Variants in CYP2S1 observed in about 807,000 individuals in gnomAD.
CYP2S1 encodes cytochrome P450 2S1.
In CYP2S1, 32 loss-of-function variants were observed where a neutral mutation model predicts 43.5. That is an observed-to-expected ratio of 0.74 (90% CI 0.56 to 0.99). The LOEUF (loss-of-function observed/expected upper bound fraction) is 0.99, where lower values mean the gene tolerates loss of function less well. Among genes scored for constraint, CYP2S1 ranks in the 50% least tolerant of loss-of-function variants. CYP2S1 has a pLI of 0.00. For missense variants in CYP2S1, 575 were observed against 673.9 expected (o/e 0.85, Z 1.62); for synonymous variants, 283 against 302.9 (o/e 0.93, Z 0.68).
intron 7 of CYP2S1, among the ~76,000 whole-genome samples, chr19:41,204,758 C>T (rs561864320): frequency 1.4e-4 from 21 of 151,618 alleles, no homozygotes; most frequent in African/African-American, 4.3e-4. Flanking sequence ...CCACCACACC[C>T]GGCTAATTTT....
At chr19:41,201,509 C>A in intron 6 of CYP2S1, 137 bp downstream of exon 6, 1 of 1,262,494 alleles carries the variant, frequency 7.9e-7, no homozygotes, top group East Asian at 2.5e-5. Context: ...AGTTTAAGAC[C>A]AGCCTGGCCA....
rs535736445 is a variant in CYP2S1 at position 41,198,907 on chromosome 19, G to A, written c.834+19G>A. ...GGCACAGGTGTGGGAAGGGTGCAGG[G>A]ACCCCCTCTCTGAATGGGCGTGGTG... On this transcript the variant is annotated intron_variant, in intron 5 of 8. Transcript: ENST00000310054. The surrounding 1 kb of genome is among the most constrained non-coding windows in gnomAD (Gnocchi z 4.9). 7.5e-6 allele frequency: 12 copies of A among 1,593,184 alleles called. No homozygotes were observed. Among genetic ancestry groups the A allele is most frequent in the Non-Finnish European group, 8.6e-6 (10 of 1,164,924 alleles).
chr19:41,201,420 T>G, intron 6 of CYP2S1, 48 bp downstream of exon 6: 1 of 1,595,360 alleles, frequency 6.3e-7, no homozygotes, highest in Non-Finnish European at 8.5e-7. Flanking sequence ...AAGTCAGGGT[T>G]CTAGGCTGAG....
chr19:41,198,421 G>GTGGGA lies in CYP2S1; in HGVS notation c.494-41_494-40insTGGGA. ...AGCTCCAACCTGCTCCCCTCTGCCT[G>GTGGGA]GCTCCATCACAGCCTACCTCCCTGC... On this transcript the variant is annotated intron_variant, in intron 3 of 8. Transcript: ENST00000310054. The surrounding 1 kb of genome is among the most constrained non-coding windows in gnomAD (Gnocchi z 4.9). 6.2e-7 allele frequency: 1 copy of GTGGGA among 1,606,350 alleles called. No homozygotes were observed.
Position 41,207,013 on chromosome 19 carries a change from CCA to C in CYP2S1, c.*527_*528del. 6.3e-6 allele frequency: 2 copies of C among 316,352 alleles called. No homozygotes were observed. The highest frequency in any genetic ancestry group is 2.6e-5 in the South Asian group (1 of 38,796). 19.6% of individuals were successfully genotyped at this position (316,352 alleles called of 1,614,324 possible). On this transcript the variant is annotated 3_prime_UTR_variant, in exon 9 of 9. Coordinates refer to ENST00000310054, the MANE Select transcript of CYP2S1 (RefSeq NM_030622.8). ...ACTCATGCTCCCTCTCTTGGCTACA[CCA>C]CTCTCCCAGCCTGTGACCACCGATG...
At position 41,201,251 on chromosome 19, in the gene CYP2S1, A is replaced by G. The variant is rs769507751; in HGVS notation, c.855A>G (p.Thr285=). ...KMAQEEQNPG[T]EFTNKNMLMT... ...TTCAGGAGGAACAAAACCCAGGCACAGAATTCACCAACAAGAACATGCTGA... is the reference window on the plus strand; with the variant it reads ...TTCAGGAGGAACAAAACCCAGGCACGGAATTCACCAACAAGAACATGCTGA... Residue 285 remains threonine, a synonymous_variant, in exon 6 of 9, where the codon ACA becomes ACG. Coordinates refer to ENST00000310054, the MANE Select transcript of CYP2S1 (RefSeq NM_030622.8). The G allele has an allele frequency of 1.9e-6, 3 of 1,614,194 alleles. No homozygotes were observed. Among genetic ancestry groups the G allele is most frequent in the Non-Finnish European group, 2.5e-6 (3 of 1,180,020 alleles).
Position 41,194,621 on chromosome 19 carries a change from G to A in CYP2S1, c.255G>A (p.Glu85=), listed in dbSNP as rs1568399075. The A allele has an allele frequency of 6.2e-7, 1 of 1,612,558 alleles. No homozygotes were observed. Residue 85 remains glutamate, a synonymous_variant, in exon 2 of 9, where the codon GAG becomes GAA. Transcript: ENST00000310054. ...WRPVVVLVGQ[E]AVREALGGQA... is the part of the protein sequence containing the mutation. ...CTGTGGTGGTCCTGGTTGGGCAGGA[G>A]GCTGTGCGGGAGGCCCTGGGAGGTC...
At chr19:41,205,914 T>C in intron 7 of CYP2S1, 44 bp from the exon 8 acceptor site, 1 of 1,598,128 alleles carries the variant, frequency 6.3e-7, no homozygotes, top group Non-Finnish European at 8.5e-7. Context: ...CCAAATGGAC[T>C]GGGGTGGGAA....
At position 41,203,563 on chromosome 19, in the gene CYP2S1, C is replaced by T; in HGVS notation, c.1090C>T (p.Leu364=). 6.3e-7 allele frequency: 1 copy of T among 1,576,036 alleles called. No homozygotes were observed. The highest frequency in any genetic ancestry group is 8.6e-7 in the Non-Finnish European group (1 of 1,161,054). Residue 364 remains leucine (L), a synonymous_variant, in exon 7 of 9, where the codon CTG becomes TTG. Transcript: ENST00000310054. ...DAVLHEAQRL[L]ALVPMGIPRT... is the part of the protein sequence containing the mutation. ...GGTTCTGCATGAGGCGCAGCGGCTG[C>T]TGGCGCTGGTGCCCATGGGAATACC...
rs370561000 is a variant in CYP2S1, at chr19:41,194,663, C to G, written c.297C>G (p.Ser99Arg). Residue 99 changes from serine (S) to arginine (R), a missense_variant, in exon 2 of 9, where the codon AGC (serine) becomes AGG (arginine). By Grantham distance (110) the Ser-to-Arg change is moderately radical. Coordinates refer to ENST00000310054, the MANE Select transcript of CYP2S1 (RefSeq NM_030622.8). ...EALGGQAEEF[S>R]GRGTVAMLEG... is the part of the protein sequence containing the mutation. ...TGGGAGGTCAGGCTGAGGAGTTCAGCGGCCGGGGAACCGTAGCGATGCTGG... is the reference window on the plus strand; with the variant it reads ...TGGGAGGTCAGGCTGAGGAGTTCAGGGGCCGGGGAACCGTAGCGATGCTGG... 3 of 1,611,844 alleles carry G rather than the reference C, an allele frequency of 1.9e-6. No homozygotes were observed. The African/African-American group carries it at 4.0e-5, about 22-fold the overall frequency.
chr19:41,199,754 C>T (rs113656866), intron 5 of CYP2S1, among the ~76,000 whole-genome samples: 22,782 of 151,472 alleles, frequency 0.15, 1,796 homozygotes, highest in Middle Eastern at 0.19. Flanking sequence ...CACCTGAGGT[C>T]GGGAGTTCGA....
chr19:41,205,412 CTTTCTT>C lies in CYP2S1; in HGVS notation c.1165-544_1165-539del, dbSNP rs1398874558. Among the ~76,000 whole-genome samples the C allele has an allele frequency of 7.7e-3, 456 of 58,864 alleles. 4 individuals are homozygous for C. Among genetic ancestry groups the C allele is most frequent in the African/African-American group, 0.017 (64 of 3,758 alleles). 38.6% of individuals were successfully genotyped at this position (58,864 alleles called of 152,430 possible). ...TCTCTCTTTCTTTCTCTCTTTCTTT[CTTTCTT>C]TCTCTCTCTCTCTCTTTCTTTCTTT... On this transcript the variant is annotated intron_variant, in intron 7 of 8. Transcript: ENST00000310054.
At chr19:41,194,500 G>A (rs1386824371) in intron 1 of CYP2S1, 44 bp from the exon 2 acceptor site, 23 of 1,511,578 alleles carry the variant, frequency 1.5e-5, no homozygotes, top group South Asian at 2.8e-5. Flanking sequence ...ACCTTGGATC[G>A]AAGAGGTCAC....
chr19:41,194,557 A>ACGGAC lies in CYP2S1; in HGVS notation c.195_199dup (p.Val67AspfsTer40). 6.3e-7 allele frequency: 1 copy of ACGGAC among 1,596,304 alleles called. No individual in the cohort carries two copies. The highest frequency in any genetic ancestry group is 8.5e-7 in the Non-Finnish European group (1 of 1,173,842). ...CCCTACCCCCAGCTGAGTAAGAAGT[A>ACGGAC]CGGACCGGTGTTCACCATCTACCTG... On this transcript the variant is annotated frameshift_variant, in exon 2 of 9. Transcript: ENST00000310054. LOFTEE classifies it high-confidence loss of function.
At chr19:41,197,160 A>G (rs2033423047) in intron 2 of CYP2S1, among the ~76,000 whole-genome samples, 1 of 151,990 alleles carries the variant, frequency 6.6e-6, no homozygotes, top group Non-Finnish European at 1.5e-5. Context: ...GTGCCATTGC[A>G]CTCCAGCCTG....
intron 6 of CYP2S1, 74 bp downstream of exon 6, chr19:41,201,446 C>T (rs1288800838): frequency 6.5e-7 from 1 of 1,549,708 alleles, no homozygotes; most frequent in East Asian, 2.3e-5. Flanking sequence ...TGGCTCACGC[C>T]TATAATCCCA....
chr19:41,193,562 G>T (rs1206590266), intron 1 of CYP2S1, 121 bp downstream of exon 1: 3 of 1,358,648 alleles, frequency 2.2e-6, no homozygotes, highest in Non-Finnish European at 2.8e-6. Context: ...GGGTCCCAAG[G>T]CAAAGGGGCT....
At chr19:41,196,142 A>G (rs2033410611) in intron 2 of CYP2S1, among the ~76,000 whole-genome samples, 1 of 152,148 alleles carries the variant, frequency 6.6e-6, no homozygotes, top group African/African-American at 2.4e-5. Flanking sequence ...TTAAGCCGGG[A>G]CATGAAGGAT....
intron 2 of CYP2S1, among the ~76,000 whole-genome samples, chr19:41,196,174 A>T (rs1273514494): frequency 6.6e-6 from 1 of 151,994 alleles, no homozygotes; most frequent in Non-Finnish European, 1.5e-5. Flanking sequence ...TTCACCAAGG[A>T]TGGGATGGAA....
Sources: allele counts gnomAD v4.1 joint callset (sites outside exome capture counted in the v4.1 genomes callset), GRCh38; gene constraint gnomAD v4.1.1; non-coding constraint Gnocchi (gnomAD v3.1); transcripts MANE v1.5; gene names NCBI Gene and HGNC (gene_info 2026-07-23, HGNC 2026-07-21).